CPEB3: variants seen among roughly 807,000 people sequenced by gnomAD.
CPEB3 encodes cytoplasmic polyadenylation element-binding protein 3.
Under a neutral mutation model 67.2 loss-of-function variants are expected in CPEB3, and 20 were observed. That is an observed-to-expected ratio of 0.30 (90% CI 0.21 to 0.43). The LOEUF is 0.43. CPEB3 is among the 20% of genes least tolerant of loss of function. CPEB3 has a pLI of 1.00. For missense variants in CPEB3, 746 were observed against 968.6 expected, an observed-to-expected ratio of 0.77 and a Z score of 3.05; for synonymous variants, 376 against 393.1, an observed-to-expected ratio of 0.96 and a Z score of 0.51.
chr10:92,130,205 A>G (rs1003952256), intron 6 of CPEB3, among the ~76,000 whole-genome samples: 3 of 151,574 alleles, frequency 2.0e-5, no homozygotes, highest in Admixed American at 2.0e-4. Context: ...CTTAAATGCC[A>G]TTTTCTCAAA....
At position 92,192,448 on chromosome 10, in the gene CPEB3, C is replaced by A. The variant is rs913339806; in HGVS notation, c.1165+29G>T. ...GCTGATTTTTGCTTAAAACACCAAGCAAGAAATGGACATATGAATATTCCT... is the reference window on the plus strand; with the variant it reads ...GCTGATTTTTGCTTAAAACACCAAGAAAGAAATGGACATATGAATATTCCT... On this transcript the variant is annotated intron_variant, in intron 3 of 9. Coordinates refer to ENST00000265997, the MANE Select transcript of CPEB3 (RefSeq NM_014912.5). 7 of 1,557,780 alleles carry A rather than the reference C, an allele frequency of 4.5e-6. No individual in the cohort carries two copies. The African/African-American group carries it at 9.6e-5, about 21-fold the overall frequency.
At chr10:92,182,122 A>G (rs889446007) in intron 3 of CPEB3, among the ~76,000 whole-genome samples, 3 of 152,224 alleles carry the variant, frequency 2.0e-5, no homozygotes, top group African/African-American at 7.2e-5. Flanking sequence ...TTAATGTTCA[A>G]TTATGTCAAG....
At position 92,055,838 on chromosome 10, in the gene CPEB3, G is replaced by A. The variant is rs118136554; in HGVS notation, c.1870-3399C>T. ...GAGGATCCTTTGAGCCCAGGAGTTC[G>A]AGACTAGCCTGGGCAACAACAACAA... On this transcript the variant is annotated intron_variant, in intron 9 of 9. Coordinates refer to ENST00000265997, the MANE Select transcript of CPEB3 (RefSeq NM_014912.5). Among the ~76,000 whole-genome samples the A allele has an allele frequency of 4.9e-4, 74 of 152,172 alleles. No homozygotes were observed. The East Asian group carries it at 0.012, about 25-fold the overall frequency.
intron 3 of CPEB3, among the ~76,000 whole-genome samples, chr10:92,181,435 A>C (rs927844777): frequency 3.3e-5 from 5 of 152,114 alleles, no homozygotes; most frequent in African/African-American, 4.8e-5. Context: ...AGAGAATAAA[A>C]AGAGAGGTTT....
At chr10:92,142,951 G>T in intron 6 of CPEB3, 78 bp downstream of exon 6, 2 of 974,990 alleles carry the variant, frequency 2.1e-6, no homozygotes, top group Non-Finnish European at 3.2e-6. Flanking sequence ...TATTTCAAGA[G>T]TTAAAAGGCT....
At chr10:92,205,409 A>G (rs1055803929) in intron 2 of CPEB3, among the ~76,000 whole-genome samples, 1 of 150,822 alleles carries the variant, frequency 6.6e-6, no homozygotes, top group Middle Eastern at 3.2e-3. Context: ...TAACTGTCCT[A>G]TGAAGTAGAT....
chr10:92,214,607 C>G (rs1564874236), intron 2 of CPEB3, among the ~76,000 whole-genome samples: 1 of 151,988 alleles, frequency 6.6e-6, no homozygotes, highest in Non-Finnish European at 1.5e-5. Flanking sequence ...CTCAGTCCCC[C>G]AAGTAGCTGG....
chr10:92,223,643 G>A (rs562861322), intron 2 of CPEB3, among the ~76,000 whole-genome samples: 2 of 137,246 alleles, frequency 1.5e-5, no homozygotes, highest in Non-Finnish European at 1.5e-5. Flanking sequence ...GCACAATCTC[G>A]GATCACCGCA....
intron 2 of CPEB3, among the ~76,000 whole-genome samples, chr10:92,219,556 A>C (rs1850596340): frequency 6.6e-6 from 1 of 152,170 alleles, no homozygotes; most frequent in Non-Finnish European, 1.5e-5. Context: ...AATTTCCTAA[A>C]AGCTGTTTTC....
At chr10:92,200,046 T>A (rs1849444142) in intron 2 of CPEB3, among the ~76,000 whole-genome samples, 1 of 152,218 alleles carries the variant, frequency 6.6e-6, no homozygotes, top group Non-Finnish European at 1.5e-5. Flanking sequence ...CCTAATTCTA[T>A]ATTCTCCTTC....
intron 4 of CPEB3, among the ~76,000 whole-genome samples, chr10:92,176,781 G>A (rs531190744): frequency 6.6e-6 from 1 of 152,302 alleles, no homozygotes; most frequent in Admixed American, 6.5e-5. Context: ...CATAATAGAG[G>A]AAAAGTCACC....
At chr10:92,188,239 A>G (rs1461138303) in intron 3 of CPEB3, among the ~76,000 whole-genome samples, 1 of 145,872 alleles carries the variant, frequency 6.9e-6, no homozygotes, top group Non-Finnish European at 1.5e-5. Flanking sequence ...CTGTCATTAG[A>G]GTATTACCCT....
intron 2 of CPEB3, among the ~76,000 whole-genome samples, chr10:92,207,271 C>T (rs776975164): frequency 3.0e-4 from 45 of 152,144 alleles, no homozygotes; most frequent in Admixed American, 2.0e-3. Context: ...GCATGCACCA[C>T]CATACCCAGC....
intron 4 of CPEB3, among the ~76,000 whole-genome samples, chr10:92,145,866 C>A (rs1846655141): frequency 6.6e-6 from 1 of 152,064 alleles, no homozygotes; most frequent in Non-Finnish European, 1.5e-5. Flanking sequence ...GTCCTGATAG[C>A]CAAGGGAATA....
intron 1 of CPEB3, among the ~76,000 whole-genome samples, chr10:92,290,055 G>T (rs1253386114): frequency 6.6e-6 from 1 of 150,810 alleles, no homozygotes; most frequent in East Asian, 1.9e-4. Flanking sequence ...AATATACTTC[G>T]CAAATTTTGA....
At chr10:92,238,174 C>T (rs1376790056) in intron 2 of CPEB3, among the ~76,000 whole-genome samples, 1 of 152,198 alleles carries the variant, frequency 6.6e-6, no homozygotes, top group Non-Finnish European at 1.5e-5. Flanking sequence ...AGGCCTTCCC[C>T]TCTCCCCTTT....
At chr10:92,238,822 A>G (rs1851666777) in intron 2 of CPEB3, among the ~76,000 whole-genome samples, 1 of 152,192 alleles carries the variant, frequency 6.6e-6, no homozygotes, top group Admixed American at 6.5e-5. Flanking sequence ...ACATGTGTTC[A>G]CATTAGTTTA....
chr10:92,096,462 G>A (rs2133348577), intron 7 of CPEB3, among the ~76,000 whole-genome samples: 1 of 152,180 alleles, frequency 6.6e-6, no homozygotes, highest in East Asian at 1.9e-4. Flanking sequence ...GAAGGTGTGT[G>A]AGTGAAACAA....
Position 92,203,911 on chromosome 10 carries a change from C to G in CPEB3, c.1006-11275G>C, listed in dbSNP as rs565662589. Among the ~76,000 whole-genome samples, 5 of 152,272 alleles carry G rather than the reference C, an allele frequency of 3.3e-5. No homozygotes were observed. In the South Asian group the frequency reaches 1.0e-3, roughly 32 times the overall value. On this transcript the variant is annotated intron_variant, in intron 2 of 9. Transcript: ENST00000265997. ...ATGCCATCTATCATCACAACATGCA[C>G]CTTTTACATTTCTAAAGATGTCTTT...
Sources: gnomAD v4.1 joint callset for allele counts (sites outside exome capture counted in the v4.1 genomes callset) on GRCh38, gnomAD v4.1.1 for gene constraint, MANE v1.5 for transcripts, NCBI Gene and HGNC (gene_info 2026-07-23, HGNC 2026-07-21) for gene names.